Variants in HOMER2 observed in about 807,000 individuals in gnomAD.
The protein encoded by HOMER2 is homer protein homolog 2.
In HOMER2, 27 loss-of-function variants were observed where a neutral mutation model predicts 47.0. The observed-to-expected ratio is 0.57, with a 90% CI of 0.42 to 0.79. The LOEUF is 0.79. Among genes scored for constraint, HOMER2 ranks in the 30% least tolerant of loss-of-function variants. The probability of loss-of-function intolerance (pLI) is 0.00; values close to 1 mark genes in which losing one functional copy is unlikely to be tolerated. For missense variants in HOMER2, 443 were observed against 435.0 expected (o/e 1.02, Z -0.16); for synonymous variants, 161 against 163.8 (o/e 0.98, Z 0.13).
chr15:82,837,589 C>T (rs1055607071), exon 2 of HOMER2: 4 of 152,216 alleles, frequency 2.6e-5, no homozygotes, highest in Non-Finnish European at 5.9e-5. Flanking sequence ...CTCCTGGGGT[C>T]AGCGATCCTG....
chr15:82,918,211 C>T (rs543859475), intron 1 of HOMER2, among the ~76,000 whole-genome samples: 4 of 152,300 alleles, frequency 2.6e-5, no homozygotes, highest in African/African-American at 9.6e-5. Flanking sequence ...TAGACGCCAT[C>T]CCTCCCGGAC....
At chr15:82,849,945 C>T (rs370864717) in intron 8 of HOMER2, 42 bp from the exon 9 acceptor site, 11 of 1,587,278 alleles carry the variant, frequency 6.9e-6, no homozygotes, top group South Asian at 2.2e-5. Context: ...AACTGAGTGA[C>T]GAGAGTCATC....
intron 1 of HOMER2, among the ~76,000 whole-genome samples, chr15:82,933,599 C>T (rs147775473): frequency 6.6e-6 from 1 of 152,300 alleles, no homozygotes; most frequent in East Asian, 1.9e-4. Flanking sequence ...ACCCCTCCTG[C>T]TCTGCATTCT....
rs72178773 is a variant in HOMER2, at chr15:82,872,714, TCGGGCAGACGA to T, written c.294+2548_294+2558del. ...CGACTTCCCTCCAGCTATCCTGTTG[TCGGGCAGACGA>T]CGGAAAAGGGAAATCTTCCCTGTGG... On this transcript the variant is annotated intron_variant, in intron 3 of 8. Coordinates refer to ENST00000450735, the MANE Select transcript of HOMER2 (RefSeq NM_004839.4). 9.7e-3 allele frequency among the ~76,000 whole-genome samples: 1,474 copies of T among 152,218 alleles called. 20 individuals are homozygous for T. The highest frequency in any genetic ancestry group is 0.031 in the African/African-American group (1,267 of 41,522).
At position 82,983,335 on chromosome 15, in the gene HOMER2, A is replaced by ATGAATT. The variant is rs569736881; in HGVS notation, n.82+2451_82+2452insAATTCA. ...GGAGCAACTGTACACCAGTGATTTCAACTATTGTTTCTTCATGAATTACTC... is the reference window on the plus strand; with the variant it reads ...GGAGCAACTGTACACCAGTGATTTCATGAATTACTATTGTTTCTTCATGAATTACTC... On this transcript the variant is annotated intron_variant and non_coding_transcript_variant, in intron 1 of 1. Coordinates refer to the HOMER2 transcript ENST00000500334. Among the ~76,000 whole-genome samples, 103 of 152,300 alleles carry ATGAATT rather than the reference A, an allele frequency of 6.8e-4. 1 individual carries two copies. The highest frequency in any genetic ancestry group is 2.3e-3 in the African/African-American group (96 of 41,564).
intron 1 of HOMER2, among the ~76,000 whole-genome samples, chr15:82,971,339 C>T (rs988268262): frequency 8.6e-5 from 13 of 151,960 alleles, no homozygotes; most frequent in Admixed American, 8.5e-4. Flanking sequence ...TTGGTGATTC[C>T]TATCCTTTCT....
chr15:82,856,141 A>G (rs1305236115), intron 5 of HOMER2, among the ~76,000 whole-genome samples: 1 of 152,248 alleles, frequency 6.6e-6, no homozygotes, highest in African/African-American at 2.4e-5. Context: ...GAAATAATAA[A>G]ATGTTATTAT....
At chr15:82,962,123 C>A (rs1413037393) in intron 1 of HOMER2, among the ~76,000 whole-genome samples, 2 of 151,616 alleles carry the variant, frequency 1.3e-5, no homozygotes, top group Non-Finnish European at 2.9e-5. Context: ...GTAATGCCAG[C>A]ACTTTGGGAG....
At chr15:82,968,445 C>G (rs983068821) in intron 1 of HOMER2, among the ~76,000 whole-genome samples, 3 of 152,178 alleles carry the variant, frequency 2.0e-5, no homozygotes, top group Non-Finnish European at 1.5e-5. Flanking sequence ...ATTTTTATCA[C>G]TAAAACATTC....
downstream of HOMER2, chr15:82,844,795 G>A (rs1218183585): frequency 1.3e-5 from 2 of 152,178 alleles, no homozygotes; most frequent in Non-Finnish European, 2.9e-5. Flanking sequence ...ATGTCTTCTT[G>A]CCTGTCACAT....
chr15:82,927,459 T>C (rs555575348), intron 1 of HOMER2, among the ~76,000 whole-genome samples: 1 of 152,320 alleles, frequency 6.6e-6, no homozygotes, highest in Non-Finnish European at 1.5e-5. Context: ...AGCTTGAAAC[T>C]CCCAATTTCT....
At chr15:82,951,606 G>A (rs1179781455) in intron 1 of HOMER2, among the ~76,000 whole-genome samples, 1 of 152,218 alleles carries the variant, frequency 6.6e-6, no homozygotes, top group Non-Finnish European at 1.5e-5. Flanking sequence ...TCAGCAGCAG[G>A]GAACAGAGAG....
chr15:82,860,495 AT>A (rs1218665955), intron 4 of HOMER2, among the ~76,000 whole-genome samples: 1 of 152,192 alleles, frequency 6.6e-6, no homozygotes, highest in African/African-American at 2.4e-5. Context: ...ATATGTTCAC[AT>A]TTTTTTGTGT....
At chr15:82,982,299 A>G (rs1036068798) in intron 1 of HOMER2, among the ~76,000 whole-genome samples, 1 of 152,256 alleles carries the variant, frequency 6.6e-6, no homozygotes, top group Non-Finnish European at 1.5e-5. Context: ...TCTGATGCTT[A>G]AAGTCTAAGT....
In HOMER2 at chr15:82,875,148, G is replaced by T. The variant is rs899046676; in HGVS notation, c.294+125C>A. ...CTGCTTTGGCAGCCCCGTGATGCCA[G>T]GAGGAGTGAAACCAAAGACCAGAAA... is the stretch of plus-strand genomic sequence containing the variant. On this transcript the variant is annotated intron_variant, in intron 3 of 8. Coordinates refer to ENST00000450735, the MANE Select transcript of HOMER2 (RefSeq NM_004839.4). The T allele has an allele frequency of 1.5e-5, 17 of 1,126,772 alleles. No individual in the cohort carries two copies. In the African/African-American group the frequency reaches 2.5e-4, roughly 16 times the overall value. 69.8% of individuals were successfully genotyped at this position (1,126,772 alleles called of 1,614,324 possible).
chr15:82,855,822 A>G (rs189935170), intron 5 of HOMER2, among the ~76,000 whole-genome samples: 98 of 152,326 alleles, frequency 6.4e-4, no homozygotes, highest in Non-Finnish European at 1.2e-3. Context: ...GAGGACGTTT[A>G]AAACAAAACC....
rs1243577936 is a variant in HOMER2, at chr15:82,849,723, C to T, written c.1024G>A (p.Asp342Asn). Residue 342 changes from aspartate to asparagine, a missense_variant, in exon 9 of 9, where the codon GAT becomes AAT. By Grantham distance (23) the Asp-to-Asn change is conservative. Coordinates refer to ENST00000450735, the MANE Select transcript of HOMER2 (RefSeq NM_004839.4). Reference protein sequence around the residue: ...FRRGLSKLGTDN With the variant: ...FRRGLSKLGTNN ...CTGGGCCTCGGCCAGCCCTAGTTAT[C>T]GGTGCCCAGCTTGGAGAGCCCTCGG... is the stretch of plus-strand genomic sequence containing the variant. 1.3e-5 allele frequency: 21 copies of T among 1,612,868 alleles called. No individual in the cohort carries two copies. The East Asian group carries it at 1.6e-4, about 12-fold the overall frequency.
intron 1 of HOMER2, among the ~76,000 whole-genome samples, chr15:82,941,132 C>T (rs576027827): frequency 6.6e-6 from 1 of 152,012 alleles, no homozygotes; most frequent in Admixed American, 6.6e-5. Context: ...CCATACTACC[C>T]TTCATTACTA....
intron 1 of HOMER2, among the ~76,000 whole-genome samples, chr15:82,962,983 G>C (rs537198717): frequency 7.0e-4 from 107 of 152,218 alleles, no homozygotes; most frequent in African/African-American, 2.2e-3. Flanking sequence ...AAGAAAATAA[G>C]AATGAGGCCT....
Sources: gnomAD v4.1 joint callset for allele counts (sites outside exome capture counted in the v4.1 genomes callset) on GRCh38, gnomAD v4.1.1 for gene constraint, MANE v1.5 for transcripts, NCBI Gene and HGNC (gene_info 2026-07-23, HGNC 2026-07-21) for gene names.